Variants in EYA1 observed in about 807,000 individuals in gnomAD.
EYA1 encodes the protein protein phosphatase EYA1.
EYA1 carries 16 observed loss-of-function variants against 82.0 expected under a neutral mutation model. That is an observed-to-expected ratio of 0.20 (90% CI 0.13 to 0.30). The LOEUF is 0.30. Ranked by LOEUF, EYA1 falls within the 10% of genes least tolerant of loss-of-function variation. EYA1 has a pLI of 1.00. For synonymous variants in EYA1, 261 were observed against 264.4 expected (o/e 0.99, Z 0.12); for missense variants, 633 against 730.7 (o/e 0.87, Z 1.54).
intron 9 of EYA1, among the ~76,000 whole-genome samples, chr8:71,274,980 G>A (rs570347891): frequency 5.9e-4 from 90 of 152,380 alleles, no homozygotes; most frequent in African/African-American, 1.9e-3. Flanking sequence ...GTGCGAGAGC[G>A]CATGTCACAT....
chr8:71,442,824 A>G (rs982966561), intron 2 of EYA1, among the ~76,000 whole-genome samples: 9 of 152,186 alleles, frequency 5.9e-5, no homozygotes, highest in African/African-American at 1.9e-4. Context: ...TGTGTCCCCT[A>G]TTTATCATGT....
intron 9 of EYA1, among the ~76,000 whole-genome samples, chr8:71,280,729 C>T (rs1817719347): frequency 6.6e-6 from 1 of 152,054 alleles, no homozygotes; most frequent in African/African-American, 2.4e-5. Flanking sequence ...AAAAGGAGAA[C>T]AATGTTGGAA....
chr8:71,404,383 A>G (rs1450638195), intron 2 of EYA1: 1 of 152,238 alleles, frequency 6.6e-6, no homozygotes, highest in African/African-American at 2.4e-5. Context: ...TGAAAAATGA[A>G]ATAGAATATA....
chr8:71,377,212 A>G (rs947021002), intron 2 of EYA1, among the ~76,000 whole-genome samples: 7 of 152,214 alleles, frequency 4.6e-5, no homozygotes, highest in African/African-American at 1.7e-4. Flanking sequence ...AGATCCAGGC[A>G]CCATGAAAGA....
intron 2 of EYA1, among the ~76,000 whole-genome samples, chr8:71,452,198 G>T (rs574839195): frequency 6.6e-6 from 1 of 152,328 alleles, no homozygotes; most frequent in East Asian, 1.9e-4. Flanking sequence ...AGATCCAACT[G>T]CAAGGCAGCG....
At chr8:71,213,452 T>G (rs1808784098) in intron 16 of EYA1, among the ~76,000 whole-genome samples, 1 of 152,250 alleles carries the variant, frequency 6.6e-6, no homozygotes, top group South Asian at 2.1e-4. Flanking sequence ...TTAATTGATA[T>G]AGATGAAAAT....
chr8:71,247,820 C>G (rs1217526793), intron 11 of EYA1, among the ~76,000 whole-genome samples: 2 of 152,070 alleles, frequency 1.3e-5, no homozygotes, highest in Non-Finnish European at 2.9e-5. Context: ...GGTGTTTATT[C>G]CCTCTAGCTC....
At chr8:71,210,272 T>C (rs188358744) in intron 17 of EYA1, among the ~76,000 whole-genome samples, 102 of 152,260 alleles carry the variant, frequency 6.7e-4, no homozygotes, top group African/African-American at 2.2e-3. Flanking sequence ...ACAGAAAAGG[T>C]AGTACATGAA....
intron 2 of EYA1, among the ~76,000 whole-genome samples, chr8:71,470,334 C>G (rs1230901245): frequency 3.3e-5 from 5 of 152,074 alleles, no homozygotes; most frequent in African/African-American, 1.2e-4. Flanking sequence ...ATTTATTTAC[C>G]TCTCTATCCC....
At chr8:71,235,256 C>A (rs967198500) in intron 12 of EYA1, among the ~76,000 whole-genome samples, 116 of 150,876 alleles carry the variant, frequency 7.7e-4, no homozygotes, top group Middle Eastern at 3.4e-3. Context: ...TAAAACTCTC[C>A]AATGGCTTCG....
intron 2 of EYA1, among the ~76,000 whole-genome samples, chr8:71,370,954 T>A (rs1828046565): frequency 6.6e-6 from 1 of 152,004 alleles, no homozygotes; most frequent in Non-Finnish European, 1.5e-5. Context: ...GGGGAAAAAG[T>A]CTAAACCATG....
chr8:71,217,004 A>G lies in EYA1; in HGVS notation c.1160T>C (p.Ile387Thr). The stretch of plus-strand genomic sequence containing the variant: ...GTTATCATCTGAAGAAACATCATCT[A>G]TATGGACTTGGTCACATTCCTAAAA... ...NDLEECDQVH[I>T]DDVSSDDNGQ... The change falls in exon 13 of 18, where the codon ATA becomes ACA. Residue 387 changes from isoleucine to threonine, a missense_variant. Physicochemically the swap from Ile to Thr is moderately conservative, Grantham distance 89 (BLOSUM62 -1). Transcript: ENST00000340726. 3 of 1,613,564 alleles carry G rather than the reference A, an allele frequency of 1.9e-6. No individual in the cohort carries two copies. The highest frequency in any genetic ancestry group is 2.2e-5 in the East Asian group (1 of 44,872).
At chr8:71,229,128 T>C (rs546040138) in intron 12 of EYA1, among the ~76,000 whole-genome samples, 1 of 152,282 alleles carries the variant, frequency 6.6e-6, no homozygotes, top group African/African-American at 2.4e-5. Context: ...ACCTTACCAA[T>C]GTGCCCATCC....
chr8:71,304,184 G>A (rs1820490295), intron 7 of EYA1, among the ~76,000 whole-genome samples: 1 of 142,340 alleles, frequency 7.0e-6, no homozygotes, highest in African/African-American at 2.5e-5. Flanking sequence ...AAACATTTTT[G>A]AGTGCTTACA....
intron 2 of EYA1, among the ~76,000 whole-genome samples, chr8:71,389,401 T>C (rs1394205972): frequency 1.3e-5 from 2 of 152,170 alleles, no homozygotes; most frequent in Admixed American, 6.5e-5. Flanking sequence ...CTTCACAATA[T>C]GCAGGTGAAA....
At chr8:71,466,547 C>T (rs1477830796) in intron 2 of EYA1, among the ~76,000 whole-genome samples, 1 of 152,006 alleles carries the variant, frequency 6.6e-6, no homozygotes, top group Non-Finnish European at 1.5e-5. Context: ...TGTAAAATAT[C>T]AATAAGCATG....
intron 16 of EYA1, among the ~76,000 whole-genome samples, chr8:71,213,177 A>AAAAT (rs1808746132): frequency 6.6e-6 from 1 of 152,190 alleles, no homozygotes; most frequent in Non-Finnish European, 1.5e-5. Context: ...TATTGAAAAA[A>AAAAT]AAATAAAGCT....
chr8:71,240,851 C>T (rs921460701), intron 12 of EYA1, among the ~76,000 whole-genome samples: 7 of 152,154 alleles, frequency 4.6e-5, no homozygotes, highest in Non-Finnish European at 8.8e-5. Flanking sequence ...TTCCTCACTC[C>T]GTTTGAAGGT....
intron 2 of EYA1, among the ~76,000 whole-genome samples, chr8:71,533,081 G>A (rs1342460284): frequency 1.3e-5 from 2 of 152,162 alleles, no homozygotes; most frequent in Non-Finnish European, 2.9e-5. Flanking sequence ...ATGCAAAGTG[G>A]AAACAATTAG....
Sources: allele counts gnomAD v4.1 joint callset (sites outside exome capture counted in the v4.1 genomes callset), GRCh38; gene constraint gnomAD v4.1.1; transcripts MANE v1.5; gene names NCBI Gene and HGNC (gene_info 2026-07-23, HGNC 2026-07-21).